ZNF284: variants seen among roughly 807,000 people sequenced by gnomAD.
The protein encoded by ZNF284 is zinc finger protein 284.
A neutral mutation model predicts 12.9 loss-of-function variants in ZNF284; 12 were observed. That is an observed-to-expected ratio of 0.93 (90% CI 0.60 to 1.51). ZNF284 has a LOEUF of 1.51. Among genes scored for constraint, ZNF284 ranks in the 40% most tolerant of loss-of-function variants. The pLI is 0.00. For missense variants in ZNF284, 667 were observed against 707.3 expected, an observed-to-expected ratio of 0.94 and a Z score of 0.65; for synonymous variants, 225 against 236.5, an observed-to-expected ratio of 0.95 and a Z score of 0.45.
At chr19:44,085,207 G>C (rs1967210524) in intron 4 of ZNF284, 2 of 152,340 alleles carry the variant, frequency 1.3e-5, no homozygotes, top group East Asian at 3.9e-4. Context: ...AAATTTTTTA[G>C]TAATAAAATA....
At chr19:44,082,790 C>CTTAA (rs1032754895) in intron 4 of ZNF284, among the ~76,000 whole-genome samples, 11 of 152,180 alleles carry the variant, frequency 7.2e-5, no homozygotes, top group Admixed American at 2.0e-4. Context: ...TGCCACCCTT[C>CTTAA]TTAAGCCTCT....
chr19:44,083,511 A>T (rs1967171170), intron 4 of ZNF284, among the ~76,000 whole-genome samples: 1 of 112,614 alleles, frequency 8.9e-6, no homozygotes, highest in African/African-American at 2.9e-5. Flanking sequence ...AGGGAATGGA[A>T]TACCATCCTA....
chr19:44,083,491 AGAGAGAGAGAGGG>A (rs1967166742), intron 4 of ZNF284, among the ~76,000 whole-genome samples: 2 of 98,776 alleles, frequency 2.0e-5, no homozygotes, highest in South Asian at 3.6e-4. Context: ...AGAGAGAGAG[AGAGAGAGAGAGGG>A]AATGGAATAC....
At position 44,087,393 on chromosome 19, in the gene ZNF284, CTTTG is replaced by C; in HGVS notation, c.*134_*137del. 1.3e-6 allele frequency: 1 copy of C among 789,604 alleles called. No individual in the cohort carries two copies. The highest frequency in any genetic ancestry group is 3.2e-5 in the Admixed American group (1 of 30,776). 48.9% of individuals were successfully genotyped at this position (789,604 alleles called of 1,614,324 possible). ...GTGGATCATTTATCATTTCTTTGTG[CTTTG>C]AACGTTCAAAAACTGCTGTTCTAGT... On this transcript the variant is annotated 3_prime_UTR_variant, in exon 5 of 5. Coordinates refer to ENST00000421176, the MANE Select transcript of ZNF284 (RefSeq NM_001037813.4).
chr19:44,085,583 G>C (rs577669569), intron 4 of ZNF284, 131 bp from the exon 5 acceptor site: 2 of 781,598 alleles, frequency 2.6e-6, no homozygotes, highest in Non-Finnish European at 4.1e-6. Flanking sequence ...AGAGACCGTG[G>C]TGCACTTGGA....
In ZNF284 at chr19:44,085,685, C is replaced by T. The variant is rs199536772; in HGVS notation, c.236-29C>T. 721 of 1,558,176 alleles carry T rather than the reference C, an allele frequency of 4.6e-4. 9 individuals are homozygous for T. The highest frequency in any genetic ancestry group is 2.9e-3 in the Middle Eastern group (17 of 5,824). The stretch of plus-strand genomic sequence containing the variant: ...AACACTGAACAAAGGTTTCACTTAC[C>T]CACATCTCTTAATTCTGTGTCCTTA... On this transcript the variant is annotated intron_variant, in intron 4 of 4. Transcript: ENST00000421176.
chr19:44,076,143 A>G (rs757673118), intron 1 of ZNF284, among the ~76,000 whole-genome samples, 179 bp from the exon 2 acceptor site: 2 of 152,090 alleles, frequency 1.3e-5, no homozygotes, highest in Non-Finnish European at 2.9e-5. Context: ...ATAGGCGACA[A>G]TTTGTCCATT....
intron 4 of ZNF284, among the ~76,000 whole-genome samples, chr19:44,083,474 T>TATATATAGAGAGAGAGAGAGAGAG (rs746837013): frequency 1.5e-5 from 1 of 64,926 alleles, no homozygotes; most frequent in African/African-American, 5.0e-5. Flanking sequence ...TATATATATA[T>TATATATAGAGAGAGAGAGAGAGAG]AGAGAGAGAG....
intron 2 of ZNF284, among the ~76,000 whole-genome samples, chr19:44,076,856 G>T (rs1967037242): frequency 7.2e-6 from 1 of 139,570 alleles, no homozygotes; most frequent in African/African-American, 2.7e-5. Context: ...GCCTTGCTCT[G>T]TTGCCCAGAC....
At chr19:44,083,777 T>C (rs55812285) in intron 4 of ZNF284, among the ~76,000 whole-genome samples, 79,644 of 151,610 alleles carry the variant, frequency 0.53, 22,790 homozygotes, top group Non-Finnish European at 0.66. Context: ...CCTCAGGTTT[T>C]AAGGCTATGT....
intron 3 of ZNF284, among the ~76,000 whole-genome samples, chr19:44,081,455 T>TA (rs2147501549): frequency 6.6e-6 from 1 of 152,214 alleles, no homozygotes; most frequent in African/African-American, 2.4e-5. Context: ...CTCATGCCTG[T>TA]AATCCCAGCA....
At chr19:44,080,785 T>C (rs1819663072) in intron 2 of ZNF284, among the ~76,000 whole-genome samples, 1 of 152,182 alleles carries the variant, frequency 6.6e-6, no homozygotes, top group Non-Finnish European at 1.5e-5. Flanking sequence ...ACTTAATAAG[T>C]GCACAAAGTA....
intron 1 of ZNF284, among the ~76,000 whole-genome samples, chr19:44,072,727 T>C (rs1423824853): frequency 6.6e-6 from 1 of 152,236 alleles, no homozygotes; most frequent in Non-Finnish European, 1.5e-5. Flanking sequence ...TCCCCGCCCT[T>C]GTCTCTGATT....
chr19:44,087,084 GAA>G lies in ZNF284; in HGVS notation c.1610_1611del (p.Lys537ThrfsTer5). On this transcript the variant is annotated frameshift_variant, in exon 5 of 5. Coordinates refer to ENST00000421176, the MANE Select transcript of ZNF284 (RefSeq NM_001037813.4). LOFTEE classifies it low-confidence loss of function (END_TRUNC). ...AACCCATCAAAGACTCCACAGCAGA[GAA>G]AAACTATTCCAATGTGAGGATTGTG... Reference protein sequence around the residue: ...HLTHQRLHSREKLFQCEDCGK... With the variant: ...HLTHQRLHSRXKLFQCEDCGK... 6.2e-7 allele frequency: 1 copy of G among 1,614,106 alleles called. No homozygotes were observed. The highest frequency in any genetic ancestry group is 8.5e-7 in the Non-Finnish European group (1 of 1,180,010).
rs1288713125 is a variant in ZNF284, at chr19:44,086,435, C to T, written c.957C>T (p.Thr319=). 2 of 1,613,968 alleles carry T rather than the reference C, an allele frequency of 1.2e-6. No individual in the cohort carries two copies. The highest frequency in any genetic ancestry group is 1.1e-5 in the South Asian group (1 of 91,074). The part of the protein sequence containing the change: ...HMQEKSFRCD[T]CSNSFGQRSA... ...AAGAGAAATCATTTAGATGTGATAC[C>T]TGTAGTAATAGCTTTGGTCAGAGAT... Residue 319 remains threonine, a synonymous_variant, in exon 5 of 5, where the codon ACC becomes ACT. Coordinates refer to ENST00000421176, the MANE Select transcript of ZNF284 (RefSeq NM_001037813.4).
At chr19:44,077,849 T>C (rs1967057367) in intron 2 of ZNF284, among the ~76,000 whole-genome samples, 1 of 152,092 alleles carries the variant, frequency 6.6e-6, no homozygotes, top group East Asian at 1.9e-4. Flanking sequence ...AGTGCCCTCT[T>C]GAGTGATGAC....
At chr19:44,082,200 C>A in intron 4 of ZNF284, 95 bp downstream of exon 4, 1 of 963,130 alleles carries the variant, frequency 1.0e-6, no homozygotes, top group Non-Finnish European at 1.6e-6. Context: ...TATAAATGGC[C>A]AAACCTGTTT....
chr19:44,080,579 C>T (rs1967105708), intron 2 of ZNF284, among the ~76,000 whole-genome samples: 1 of 152,108 alleles, frequency 6.6e-6, no homozygotes, highest in Admixed American at 6.5e-5. Context: ...GAGTGAGACT[C>T]TGTCTCAAAA....
intron 3 of ZNF284, among the ~76,000 whole-genome samples, chr19:44,081,539 G>A (rs1305440613): frequency 6.6e-6 from 1 of 151,554 alleles, no homozygotes; most frequent in Non-Finnish European, 1.5e-5. Flanking sequence ...GTGAAACCCC[G>A]TCTCTACTAA....
Sources: gnomAD v4.1 joint callset for allele counts (sites outside exome capture counted in the v4.1 genomes callset) on GRCh38, gnomAD v4.1.1 for gene constraint, MANE v1.5 for transcripts, NCBI Gene and HGNC (gene_info 2026-07-23, HGNC 2026-07-21) for gene names.